FRMD4B: variants seen among roughly 807,000 people sequenced by gnomAD.
FRMD4B encodes FERM domain-containing protein 4B.
FRMD4B carries 74 observed loss-of-function variants against 141.5 expected under a neutral mutation model. The ratio of observed to expected loss-of-function variants is 0.52; its 90% CI spans 0.43 to 0.63. The LOEUF (loss-of-function observed/expected upper bound fraction) is 0.63, where lower values mean the gene tolerates loss of function less well. Among genes scored for constraint, FRMD4B ranks in the 30% least tolerant of loss-of-function variants. The probability of loss-of-function intolerance (pLI) is 0.00; values close to 1 mark genes in which losing one functional copy is unlikely to be tolerated. For synonymous variants in FRMD4B, 506 were observed against 467.9 expected, an observed-to-expected ratio of 1.08 and a Z score of -1.05; for missense variants, 1,366 against 1,253.4, an observed-to-expected ratio of 1.09 and a Z score of -1.36.
chr3:69,454,627 C>T (rs973766909), intron 1 of FRMD4B, among the ~76,000 whole-genome samples: 6 of 152,200 alleles, frequency 3.9e-5, no homozygotes, highest in East Asian at 1.9e-4. Context: ...ACTGCCGGCC[C>T]GCCCACGCCA....
At chr3:69,392,910 T>A (rs879388349) in intron 2 of FRMD4B, among the ~76,000 whole-genome samples, 2 of 152,062 alleles carry the variant, frequency 1.3e-5, no homozygotes, top group African/African-American at 2.4e-5. Flanking sequence ...TCTTTCATCT[T>A]TCCCTTTGAC....
At position 69,319,378 on chromosome 3, in the gene FRMD4B, T is replaced by C. The variant is rs531243477; in HGVS notation, c.163-5861A>G. Among the ~76,000 whole-genome samples, 93 of 152,330 alleles carry C rather than the reference T, an allele frequency of 6.1e-4. 1 individual carries two copies. Among genetic ancestry groups the C allele is most frequent in the Non-Finnish European group, 2.8e-4 (19 of 68,030 alleles). Reference sequence around the variant, plus strand: ...CCCCATTTGTTTGAAAACTGACAGCTACGCTTTTCTGTAATCTATATATTT... The same window carrying C: ...CCCCATTTGTTTGAAAACTGACAGCCACGCTTTTCTGTAATCTATATATTT... On this transcript the variant is annotated intron_variant, in intron 1 of 22. Transcript: ENST00000398540.
At chr3:69,219,033 C>T (rs1465041771) in intron 9 of FRMD4B, among the ~76,000 whole-genome samples, 3 of 151,826 alleles carry the variant, frequency 2.0e-5, no homozygotes, top group African/African-American at 7.3e-5. Context: ...GGTGTGGTGG[C>T]GGACACCTGT....
intron 7 of FRMD4B, among the ~76,000 whole-genome samples, chr3:69,239,482 T>G (rs2093367202): frequency 6.6e-6 from 1 of 152,168 alleles, no homozygotes; most frequent in African/African-American, 2.4e-5. Context: ...GTCAGCCAGC[T>G]CCCTGAGGAC....
rs1377434279 is a variant in FRMD4B, at chr3:69,190,077, A to G, written c.1715-125T>C. ...AAATGTAATTAATTACAGTGCATTA[A>G]GAATAATTAACTACCATAGTAAGAA... On this transcript the variant is annotated intron_variant, in intron 17 of 22. Transcript: ENST00000398540. 4 of 604,228 alleles carry G rather than the reference A, an allele frequency of 6.6e-6. No homozygotes were observed. In the East Asian group the frequency reaches 8.3e-5, roughly 13 times the overall value. The allele number at this position is 604,228 out of a possible 1,614,324, so 37.4% of individuals were successfully genotyped here.
intron 7 of FRMD4B, among the ~76,000 whole-genome samples, chr3:69,229,643 T>G (rs1326067890): frequency 6.6e-6 from 1 of 152,152 alleles, no homozygotes; most frequent in African/African-American, 2.4e-5. Context: ...AGAAGTAGAA[T>G]TCCAAATGGC....
At chr3:69,391,108 G>A (rs1248709123) in intron 2 of FRMD4B, among the ~76,000 whole-genome samples, 1 of 151,694 alleles carries the variant, frequency 6.6e-6, no homozygotes, top group African/African-American at 2.4e-5. Context: ...AGAAATAACC[G>A]GAATGCCGTT....
intron 1 of FRMD4B, among the ~76,000 whole-genome samples, chr3:69,503,242 T>C (rs1706532346): frequency 6.6e-6 from 1 of 152,138 alleles, no homozygotes; most frequent in African/African-American, 2.4e-5. Context: ...ACACCTATGT[T>C]TATTGCAGCA....
At chr3:69,229,837 C>T (rs1240716777) in intron 7 of FRMD4B, among the ~76,000 whole-genome samples, 1 of 152,112 alleles carries the variant, frequency 6.6e-6, no homozygotes, top group Non-Finnish European at 1.5e-5. Flanking sequence ...TCCGGAGTAG[C>T]TGGGACTACA....
intron 1 of FRMD4B, among the ~76,000 whole-genome samples, chr3:69,479,517 T>C (rs7426934): frequency 6.6e-6 from 1 of 151,998 alleles, no homozygotes; most frequent in Non-Finnish European, 1.5e-5. Flanking sequence ...TTTTCTTTAA[T>C]AATGTTGAAT....
rs921102423 is a variant in FRMD4B, at chr3:69,187,896, G to C, written c.1793C>G (p.Pro598Arg). 5 of 1,592,088 alleles carry C rather than the reference G, an allele frequency of 3.1e-6. No individual in the cohort carries two copies. Among genetic ancestry groups the C allele is most frequent in the South Asian group, 1.1e-5 (1 of 88,346 alleles). Residue 598 changes from proline to arginine, a missense_variant, in exon 19 of 23, where the codon CCT (proline) becomes CGT (arginine). By Grantham distance (103) the Pro-to-Arg change is moderately radical. Transcript: ENST00000398540. ...AGGTACTGAACTTGATCGCTGCCCA[G>C]GAAAAGTGAAGGCATCACTGGCTAT... ...YDDPSDAFTF[P>R]GQRSSSVPHS...
intron 1 of FRMD4B, among the ~76,000 whole-genome samples, chr3:69,459,972 C>T (rs1436884808): frequency 6.6e-6 from 1 of 152,210 alleles, no homozygotes; most frequent in East Asian, 1.9e-4. Context: ...AAAAGACAGA[C>T]TAAATGCCCA....
intron 14 of FRMD4B, among the ~76,000 whole-genome samples, chr3:69,196,011 C>T (rs1368694559): frequency 6.6e-6 from 1 of 152,176 alleles, no homozygotes; most frequent in Admixed American, 6.5e-5. Context: ...TTTCAAGCCA[C>T]ACCTTGGTAC....
chr3:69,422,005 T>C (rs1704990084), intron 2 of FRMD4B, among the ~76,000 whole-genome samples: 1 of 152,394 alleles, frequency 6.6e-6, no homozygotes, highest in East Asian at 1.9e-4. Flanking sequence ...AATTGGTTTC[T>C]GCAGATCTGT....
chr3:69,377,218 T>C (rs1281355771), intron 1 of FRMD4B: 1 of 152,206 alleles, frequency 6.6e-6, no homozygotes, highest in Non-Finnish European at 1.5e-5. Context: ...AAGTAGAAGA[T>C]TAATTTTCTC....
In FRMD4B at chr3:69,502,942, C is replaced by G. The variant is rs1278530934; in HGVS notation, c.-129+39264G>C. ...AACAGACACATGAAAAAATGCTCAT[C>G]ATCACTGGCCATCAGAAAAATGCAA... On this transcript the variant is annotated intron_variant, in intron 1 of 5. Transcript: ENST00000459638. Among the ~76,000 whole-genome samples the G allele has an allele frequency of 2.0e-5, 3 of 152,338 alleles. No homozygotes were observed. In the East Asian group the frequency reaches 5.8e-4, roughly 29 times the overall value.
Position 69,330,843 on chromosome 3 carries a change from A to G in FRMD4B, c.163-17326T>C, listed in dbSNP as rs142037187. Among the ~76,000 whole-genome samples, 18 of 152,214 alleles carry G rather than the reference A, an allele frequency of 1.2e-4. 1 individual carries two copies. In the East Asian group the frequency reaches 2.9e-3, roughly 25 times the overall value. On this transcript the variant is annotated intron_variant, in intron 1 of 22. Coordinates refer to ENST00000398540, the MANE Select transcript of FRMD4B (RefSeq NM_015123.3). ...GATGCCTCCCAGTTGTGTTGCTGCT[A>G]TCTTTCTGGAATCTTTTCCCTGCTG...
chr3:69,406,970 A>G (rs555311903), intron 2 of FRMD4B, among the ~76,000 whole-genome samples: 1 of 150,632 alleles, frequency 6.6e-6, no homozygotes, highest in African/African-American at 2.4e-5. Flanking sequence ...TTGGTCTCAA[A>G]CTCCTGACTT....
intron 11 of FRMD4B, among the ~76,000 whole-genome samples, chr3:69,214,040 C>A (rs549150753): frequency 1.8e-4 from 28 of 152,090 alleles, no homozygotes; most frequent in African/African-American, 6.8e-4. Flanking sequence ...AAAGCTGGAT[C>A]AGTATTGGAG....
Sources: allele counts gnomAD v4.1 joint callset (sites outside exome capture counted in the v4.1 genomes callset), GRCh38; gene constraint gnomAD v4.1.1; transcripts MANE v1.5; gene names NCBI Gene and HGNC (gene_info 2026-07-23, HGNC 2026-07-21).